Variants in ASIC2 observed in about 807,000 individuals in gnomAD.
ASIC2 encodes acid-sensing ion channel 2.
ASIC2 carries 25 observed loss-of-function variants against 57.3 expected under a neutral mutation model. That is an observed-to-expected ratio of 0.44 (90% confidence interval 0.32 to 0.61). ASIC2 has a LOEUF of 0.61. Ranked by LOEUF, ASIC2 falls within the 20% of genes least tolerant of loss-of-function variation. ASIC2 has a pLI of 0.06. For missense variants in ASIC2, 641 were observed against 738.1 expected (o/e 0.87, Z 1.52); for synonymous variants, 319 against 307.5 (o/e 1.04, Z -0.39).
At chr17:33,423,096 G>C (rs972592676) in intron 1 of ASIC2, among the ~76,000 whole-genome samples, 1 of 152,150 alleles carries the variant, frequency 6.6e-6, no homozygotes, top group African/African-American at 2.4e-5. Context: ...TTGGGGGCTC[G>C]CACCAGCATG....
intron 1 of ASIC2, among the ~76,000 whole-genome samples, chr17:33,570,124 C>T (rs879422058): frequency 6.6e-6 from 1 of 152,216 alleles, no homozygotes; most frequent in Non-Finnish European, 1.5e-5. Context: ...CCTGGGTGAT[C>T]TACCCCTTCT....
chr17:34,022,108 T>A (rs545026335), intron 1 of ASIC2, among the ~76,000 whole-genome samples: 6 of 151,896 alleles, frequency 4.0e-5, no homozygotes, highest in Non-Finnish European at 1.5e-5. Context: ...AAGTGGGGGG[T>A]TGGTATTTTT....
chr17:33,363,494 A>T (rs1251968754), intron 1 of ASIC2, among the ~76,000 whole-genome samples: 4 of 152,214 alleles, frequency 2.6e-5, no homozygotes, highest in Admixed American at 2.6e-4. Flanking sequence ...ACCTCTTTCC[A>T]AGCTTTGTTC....
chr17:34,128,360 T>G (rs1911850621), intron 1 of ASIC2, among the ~76,000 whole-genome samples: 1 of 151,930 alleles, frequency 6.6e-6, no homozygotes, highest in Non-Finnish European at 1.5e-5. Flanking sequence ...GCAAAGCAGG[T>G]GAAGCTGTTC....
At chr17:33,203,076 T>A (rs1906937906) in intron 1 of ASIC2, among the ~76,000 whole-genome samples, 1 of 152,194 alleles carries the variant, frequency 6.6e-6, no homozygotes, top group Admixed American at 6.5e-5. Context: ...AATTTGCACG[T>A]GCTAAACCAG....
At chr17:33,264,138 G>T (rs1342112266) in intron 1 of ASIC2, among the ~76,000 whole-genome samples, 1 of 152,248 alleles carries the variant, frequency 6.6e-6, no homozygotes, top group African/African-American at 2.4e-5. Flanking sequence ...GAGGCACAAG[G>T]TATATGCCAG....
At chr17:33,185,189 T>A (rs1906142266) in intron 1 of ASIC2, among the ~76,000 whole-genome samples, 1 of 152,208 alleles carries the variant, frequency 6.6e-6, no homozygotes, top group African/African-American at 2.4e-5. Flanking sequence ...TTTTAAAATA[T>A]CCCTTTCTTA....
chr17:33,181,944 C>A (rs981428939), intron 1 of ASIC2, among the ~76,000 whole-genome samples: 5 of 152,104 alleles, frequency 3.3e-5, no homozygotes, highest in Non-Finnish European at 7.4e-5. Context: ...GTAATAGTGG[C>A]CAGGGCCAGA....
At chr17:34,016,624 A>G (rs929576926) in intron 1 of ASIC2, among the ~76,000 whole-genome samples, 1 of 152,170 alleles carries the variant, frequency 6.6e-6, no homozygotes, top group Non-Finnish European at 1.5e-5. Context: ...GGTTATAGAT[A>G]TTGGCATAGC....
chr17:33,069,403 A>G (rs1220907028), intron 3 of ASIC2, among the ~76,000 whole-genome samples: 2 of 152,196 alleles, frequency 1.3e-5, no homozygotes, highest in African/African-American at 2.4e-5. Flanking sequence ...TTTTCTGTCT[A>G]CTTGTCCTAT....
At chr17:33,659,475 T>A (rs994204562) in intron 1 of ASIC2, among the ~76,000 whole-genome samples, 4 of 152,226 alleles carry the variant, frequency 2.6e-5, no homozygotes, top group Admixed American at 2.0e-4. Flanking sequence ...CTGTACATTA[T>A]GCGACTGTCC....
intron 1 of ASIC2, among the ~76,000 whole-genome samples, chr17:33,567,859 T>A (rs1040843521): frequency 7.2e-5 from 11 of 152,060 alleles, no homozygotes; most frequent in African/African-American, 2.7e-4. Context: ...TCCATGCATT[T>A]TTTTTTTGGT....
At chr17:33,752,654 T>C (rs544819467) in intron 1 of ASIC2, among the ~76,000 whole-genome samples, 2 of 152,196 alleles carry the variant, frequency 1.3e-5, no homozygotes, top group Non-Finnish European at 2.9e-5. Context: ...TTGAATAATA[T>C]CCATGGTATG....
intron 1 of ASIC2, among the ~76,000 whole-genome samples, chr17:33,149,141 A>G (rs1661832244): frequency 6.6e-6 from 1 of 152,166 alleles, no homozygotes; most frequent in Non-Finnish European, 1.5e-5. Flanking sequence ...AACAAACTTG[A>G]CATATATCTT....
chr17:33,412,031 A>C (rs898287429), intron 1 of ASIC2, among the ~76,000 whole-genome samples: 3 of 151,866 alleles, frequency 2.0e-5, no homozygotes, highest in African/African-American at 4.8e-5. Context: ...AAAACAAAAC[A>C]AAACAAAACA....
chr17:33,760,747 T>C (rs1910756191), intron 1 of ASIC2, among the ~76,000 whole-genome samples: 1 of 152,090 alleles, frequency 6.6e-6, no homozygotes, highest in Non-Finnish European at 1.5e-5. Context: ...GGACAGAACT[T>C]ATTTACTTTG....
chr17:34,145,507 C>T (rs149224323), intron 1 of ASIC2, among the ~76,000 whole-genome samples: 1 of 152,302 alleles, frequency 6.6e-6, no homozygotes, highest in Non-Finnish European at 1.5e-5. Context: ...AATTGTCTGG[C>T]CTCAGCTAGA....
At chr17:33,270,385 C>A (rs1046201276) in intron 1 of ASIC2, among the ~76,000 whole-genome samples, 2 of 152,180 alleles carry the variant, frequency 1.3e-5, no homozygotes, top group Non-Finnish European at 2.9e-5. Flanking sequence ...TTGGACTAGA[C>A]CTGCACCCCC....
chr17:34,015,508 G>C (rs1906919947), intron 1 of ASIC2, among the ~76,000 whole-genome samples: 1 of 152,220 alleles, frequency 6.6e-6, no homozygotes, highest in Non-Finnish European at 1.5e-5. Flanking sequence ...GAGGCCCAGG[G>C]GCGAGGCTCT....
Sources: gnomAD v4.1 joint callset for allele counts (sites outside exome capture counted in the v4.1 genomes callset) on GRCh38, gnomAD v4.1.1 for gene constraint, MANE v1.5 for transcripts, NCBI Gene and HGNC (gene_info 2026-07-23, HGNC 2026-07-21) for gene names.